Variants in DPP10 observed in about 807,000 individuals in gnomAD.
DPP10 encodes the protein inactive dipeptidyl peptidase 10.
DPP10 carries 33 observed loss-of-function variants against 120.9 expected under a neutral mutation model. That is an observed-to-expected ratio of 0.27 (90% CI 0.21 to 0.37). The LOEUF is 0.37. Ranked by LOEUF, DPP10 falls within the 10% of genes least tolerant of loss-of-function variation. The probability of loss-of-function intolerance (pLI) is 1.00; values close to 1 mark genes in which losing one functional copy is unlikely to be tolerated. For synonymous variants in DPP10, 337 were observed against 326.1 expected (o/e 1.03, Z -0.36); for missense variants, 816 against 942.8 (o/e 0.87, Z 1.76).
intron 1 of DPP10, among the ~76,000 whole-genome samples, chr2:114,515,413 T>A (rs1439816370): frequency 1.3e-5 from 2 of 152,186 alleles, no homozygotes; most frequent in Non-Finnish European, 2.9e-5. Flanking sequence ...CATAGCACTT[T>A]AGAAAGACAT....
At position 114,709,638 on chromosome 2, in the gene DPP10, C is replaced by G. The variant is rs541068274; in HGVS notation, c.60+266800C>G. Among the ~76,000 whole-genome samples the G allele has an allele frequency of 7.9e-5, 12 of 152,112 alleles. No individual in the cohort carries two copies. In the South Asian group the frequency reaches 2.5e-3, roughly 32 times the overall value. On this transcript the variant is annotated intron_variant, in intron 1 of 25. Transcript: ENST00000410059. ...TTTTCCCCTTTGCCTTATGAAACTG[C>G]CAAGAACTAATTTCATTTTTGATGT...
At chr2:114,752,192 C>T (rs933944307) in intron 1 of DPP10, among the ~76,000 whole-genome samples, 4 of 152,186 alleles carry the variant, frequency 2.6e-5, no homozygotes, top group Admixed American at 2.6e-4. Flanking sequence ...TGTCACTACT[C>T]AGAAGGGCAG....
rs941746413 is a variant in DPP10 at position 114,929,861 on chromosome 2, A to G, written c.61-379378A>G. Among the ~76,000 whole-genome samples the G allele has an allele frequency of 3.3e-5, 5 of 152,352 alleles. No homozygotes were observed. The South Asian group carries it at 8.3e-4, about 25-fold the overall frequency. ...CATGAAATCTTCACAATTTATGTTC[A>G]GAGACTGCAGTAACGACAGGCATAA... On this transcript the variant is annotated intron_variant, in intron 1 of 25. Coordinates refer to ENST00000410059, the MANE Select transcript of DPP10 (RefSeq NM_020868.6).
chr2:114,809,273 T>C (rs1448243339), intron 1 of DPP10, among the ~76,000 whole-genome samples: 1 of 152,200 alleles, frequency 6.6e-6, no homozygotes, highest in African/African-American at 2.4e-5. Context: ...GAAAGAACTA[T>C]GTTTACTCCT....
At chr2:115,824,291 CT>C (rs1402301439) in intron 21 of DPP10, among the ~76,000 whole-genome samples, 1 of 152,018 alleles carries the variant, frequency 6.6e-6, no homozygotes, top group East Asian at 1.9e-4. Flanking sequence ...GAGGCACGTT[CT>C]TTTTTTATTT....
At chr2:115,251,876 A>C (rs2058767255) in intron 1 of DPP10, among the ~76,000 whole-genome samples, 1 of 152,226 alleles carries the variant, frequency 6.6e-6, no homozygotes, top group Non-Finnish European at 1.5e-5. Flanking sequence ...ATGTGACAAA[A>C]GCATAGGCTG....
At position 114,653,345 on chromosome 2, in the gene DPP10, G is replaced by A. The variant is rs143188918; in HGVS notation, c.60+210507G>A. Among the ~76,000 whole-genome samples, 398 of 152,174 alleles carry A rather than the reference G, an allele frequency of 2.6e-3. 3 individuals are homozygous for A. The highest frequency in any genetic ancestry group is 9.1e-3 in the African/African-American group (377 of 41,520). On this transcript the variant is annotated intron_variant, in intron 1 of 25. Transcript: ENST00000410059. ...TCCAGACCTGGAAGAGGCAAGGGAC[G>A]GAATTTCCCTGGAGCCTCTGGAGAA...
At chr2:114,672,480 T>C (rs1290275980) in intron 1 of DPP10, among the ~76,000 whole-genome samples, 1 of 152,180 alleles carries the variant, frequency 6.6e-6, no homozygotes, top group Non-Finnish European at 1.5e-5. Flanking sequence ...CCTATTTGTG[T>C]CAATACTTTC....
At chr2:114,510,636 AAAAT>A (rs938443580) in intron 1 of DPP10, among the ~76,000 whole-genome samples, 75 of 152,202 alleles carry the variant, frequency 4.9e-4, no homozygotes, top group African/African-American at 1.8e-3. Context: ...AAAACAAACA[AAAAT>A]CCTAAATGGG....
At chr2:114,541,864 A>G (rs146661928) in intron 1 of DPP10, among the ~76,000 whole-genome samples, 1 of 152,110 alleles carries the variant, frequency 6.6e-6, no homozygotes, top group East Asian at 1.9e-4. Flanking sequence ...CTAGAAGTGA[A>G]TAGTTGCTTT....
chr2:114,984,839 C>G (rs992763381), intron 1 of DPP10, among the ~76,000 whole-genome samples: 1 of 152,090 alleles, frequency 6.6e-6, no homozygotes, highest in Non-Finnish European at 1.5e-5. Context: ...GACTCCTGCC[C>G]GCTATTCCAA....
intron 1 of DPP10, among the ~76,000 whole-genome samples, chr2:114,517,113 CA>C (rs1286649182): frequency 6.6e-6 from 1 of 151,976 alleles, no homozygotes; most frequent in Non-Finnish European, 1.5e-5. Flanking sequence ...CTTTAGTTTC[CA>C]TTGCAGATTG....
chr2:115,516,615 C>CTTTTTTTTTT, intron 4 of DPP10, among the ~76,000 whole-genome samples: 1 of 134,450 alleles, frequency 7.4e-6, no homozygotes, highest in Non-Finnish European at 1.6e-5. Context: ...CATTCAGAAT[C>CTTTTTTTTTT]TTCTTAATGG....
chr2:115,773,182 C>G (rs1303782987), intron 13 of DPP10, among the ~76,000 whole-genome samples: 1 of 152,020 alleles, frequency 6.6e-6, no homozygotes, highest in African/African-American at 2.4e-5. Flanking sequence ...TTAAAGCATG[C>G]TATTTTTAAG....
intron 21 of DPP10, among the ~76,000 whole-genome samples, chr2:115,832,936 G>A (rs975234462): frequency 1.3e-5 from 2 of 152,060 alleles, no homozygotes; most frequent in African/African-American, 4.8e-5. Flanking sequence ...CAGCATAGAG[G>A]TCCCCTGAGA....
chr2:114,669,248 G>A (rs559422565), intron 1 of DPP10, among the ~76,000 whole-genome samples: 13 of 152,216 alleles, frequency 8.5e-5, no homozygotes, highest in Non-Finnish European at 1.6e-4. Flanking sequence ...GATAACAACA[G>A]TATCAAAGGC....
intron 5 of DPP10, among the ~76,000 whole-genome samples, chr2:115,652,596 T>G (rs1249598768): frequency 6.6e-6 from 1 of 151,904 alleles, no homozygotes; most frequent in Non-Finnish European, 1.5e-5. Flanking sequence ...GGTACAGTTC[T>G]AGTGTGAGTC....
intron 3 of DPP10, among the ~76,000 whole-genome samples, chr2:115,344,614 A>T (rs1438938996): frequency 6.6e-6 from 1 of 152,110 alleles, no homozygotes; most frequent in African/African-American, 2.4e-5. Context: ...TCTTAAGTCA[A>T]TCTCTGACAT....
chr2:114,497,007 T>A (rs1268973626), intron 1 of DPP10, among the ~76,000 whole-genome samples: 3 of 150,784 alleles, frequency 2.0e-5, no homozygotes, highest in Admixed American at 1.3e-4. Flanking sequence ...CATATATATA[T>A]ATAATATGTA....
Sources: gnomAD v4.1 joint callset for allele counts (sites outside exome capture counted in the v4.1 genomes callset) on GRCh38, gnomAD v4.1.1 for gene constraint, MANE v1.5 for transcripts, NCBI Gene and HGNC (gene_info 2026-07-23, HGNC 2026-07-21) for gene names.